The following MEGF11 variants were observed in gnomAD, a reference collection of about 807,000 sequenced individuals.
MEGF11 encodes multiple epidermal growth factor-like domains protein 11.
A neutral mutation model predicts 146.6 loss-of-function variants in MEGF11; 126 were observed. That is an observed-to-expected ratio of 0.86 (90% CI 0.74 to 1.00). MEGF11 has a LOEUF of 1.00. MEGF11 is among the 50% of genes least tolerant of loss of function. The pLI is 0.00. For missense variants in MEGF11, 1,509 were observed against 1,521.2 expected (o/e 0.99, Z 0.13); for synonymous variants, 532 against 583.4 (o/e 0.91, Z 1.27).
chr15:66,156,222 G>C (rs77658006), intron 1 of MEGF11, among the ~76,000 whole-genome samples: 7,517 of 152,182 alleles, frequency 0.049, 251 homozygotes, highest in African/African-American at 0.1. Context: ...TGAATGTCCA[G>C]GCATGGCCCA....
At chr15:66,241,484 T>C (rs2092207667) in intron 1 of MEGF11, among the ~76,000 whole-genome samples, 1 of 152,110 alleles carries the variant, frequency 6.6e-6, no homozygotes, top group African/African-American at 2.4e-5. Context: ...CAAACACGAA[T>C]GCAAATGGAC....
At chr15:66,134,832 C>G (rs140875774) in intron 1 of MEGF11, among the ~76,000 whole-genome samples, 1 of 152,332 alleles carries the variant, frequency 6.6e-6, no homozygotes, top group East Asian at 1.9e-4. Context: ...GAACTGGTGC[C>G]GAGAAAAACC....
chr15:66,153,002 C>T (rs1213081208), intron 1 of MEGF11, among the ~76,000 whole-genome samples: 1 of 152,234 alleles, frequency 6.6e-6, no homozygotes. Flanking sequence ...TCCTTCCCTT[C>T]TCCTCCAGGA....
intron 23 of MEGF11, among the ~76,000 whole-genome samples, chr15:65,907,475 T>C (rs982076613): frequency 7.2e-5 from 11 of 152,044 alleles, no homozygotes; most frequent in African/African-American, 2.4e-4. Context: ...TTTTGTATTT[T>C]TAACAGATGG....
intron 10 of MEGF11, among the ~76,000 whole-genome samples, chr15:65,931,535 C>A (rs940683864): frequency 2.6e-5 from 4 of 152,186 alleles, no homozygotes; most frequent in Non-Finnish European, 5.9e-5. Context: ...CTGTTTGAAG[C>A]CACTAAATTG....
intron 5 of MEGF11, among the ~76,000 whole-genome samples, chr15:66,031,391 G>C (rs1489120859): frequency 6.6e-6 from 1 of 152,160 alleles, no homozygotes; most frequent in Non-Finnish European, 1.5e-5. Flanking sequence ...CTGGGTGAAG[G>C]GTTAGCAAAG....
chr15:66,079,227 G>A (rs574531807), intron 5 of MEGF11, among the ~76,000 whole-genome samples: 13 of 151,834 alleles, frequency 8.6e-5, no homozygotes, highest in Admixed American at 7.8e-4. Flanking sequence ...GGACAGATGA[G>A]GATTTGTCTG....
Position 65,922,862 on chromosome 15 carries a change from C to A in MEGF11, c.1783G>T (p.Glu595Ter), listed in dbSNP as rs779655844. 3.7e-6 allele frequency: 6 copies of A among 1,613,780 alleles called. No homozygotes were observed. The South Asian group carries it at 5.5e-5, about 15-fold the overall frequency. Residue 595 changes from glutamate to a stop codon, truncating the protein, a stop_gained, in exon 14 of 26, where the codon GAG becomes TAG. Transcript: ENST00000395614. LOFTEE classifies it high-confidence loss of function. Reference sequence around the variant, plus strand: ...GGTCCTCGGAAGCCAGGGGCACACTCGCAGCTCCCATCCTCTGGGGAGCAG... The same window carrying A: ...GGTCCTCGGAAGCCAGGGGCACACTAGCAGCTCCCATCCTCTGGGGAGCAG... ...GSCSPEDGSC[E>*]CAPGFRGPLC...
At chr15:66,218,027 T>C (rs1211646226) in intron 1 of MEGF11, among the ~76,000 whole-genome samples, 1 of 152,140 alleles carries the variant, frequency 6.6e-6, no homozygotes, top group African/African-American at 2.4e-5. Flanking sequence ...AGCATCCTTC[T>C]CAGAAAAGGG....
At chr15:66,093,816 G>T (rs779584365) in intron 5 of MEGF11, among the ~76,000 whole-genome samples, 3 of 152,130 alleles carry the variant, frequency 2.0e-5, no homozygotes, top group Non-Finnish European at 2.9e-5. Context: ...GGGCCAGCCT[G>T]GAGAGCATCC....
chr15:66,048,165 T>C (rs888064386), intron 5 of MEGF11, among the ~76,000 whole-genome samples: 4 of 152,122 alleles, frequency 2.6e-5, no homozygotes, highest in Admixed American at 6.5e-5. Context: ...AGGCTGCTCT[T>C]GAATTCCTGA....
Position 65,913,805 on chromosome 15 carries a change from C to T in MEGF11, c.2642G>A (p.Arg881Gln), listed in dbSNP as rs140216637. 9.2e-5 allele frequency: 149 copies of T among 1,613,824 alleles called. No individual in the cohort carries two copies. In the East Asian group the frequency reaches 2.2e-3, roughly 24 times the overall value. The change falls in exon 20 of 26, where the codon CGA becomes CAA. Residue 881 changes from arginine to glutamine, a missense_variant. Arg to Gln is a conservative substitution (Grantham distance 43). Transcript: ENST00000395614. ...GTAGGAGACACGGGGAGCCAGGTCT[C>T]GGCCCTTCTCTTTCTGCCGCCGCCG... ...WHRRRQKEKG[R>Q]DLAPRVSYTP...
chr15:66,016,250 A>C (rs866313562), intron 5 of MEGF11, among the ~76,000 whole-genome samples: 1 of 152,064 alleles, frequency 6.6e-6, no homozygotes, highest in Non-Finnish European at 1.5e-5. Flanking sequence ...GATCATTTAT[A>C]GAAGAGGATC....
chr15:65,914,518 G>A (rs1232206443), intron 19 of MEGF11, among the ~76,000 whole-genome samples: 1 of 152,096 alleles, frequency 6.6e-6, no homozygotes, highest in Non-Finnish European at 1.5e-5. Context: ...AGGCTCTTAA[G>A]TACTGTGCTG....
chr15:66,075,288 C>A (rs1053548901), intron 5 of MEGF11, among the ~76,000 whole-genome samples: 1 of 152,218 alleles, frequency 6.6e-6, no homozygotes. Flanking sequence ...TAGGCCAGCA[C>A]AGATCTGGGC....
rs2079550977 is a variant in MEGF11, at chr15:65,930,831, C to A, written c.1400G>T (p.Cys467Phe). The change falls in exon 11 of 26, where the codon TGC (cysteine) becomes TTC (phenylalanine). Residue 467 changes from cysteine to phenylalanine, a missense_variant. Transcript: ENST00000395614. The part of the protein sequence containing the change: ...TCSPVDGSCT[C>F]KEGWQGLDCT... ...GAGAGAGGGCACATTACCTTCCTTG[C>A]AGGTACAGGAGCCATCTACTGGGGA... is the stretch of plus-strand genomic sequence containing the variant. 1.2e-6 allele frequency: 2 copies of A among 1,606,948 alleles called. No homozygotes were observed. The highest frequency in any genetic ancestry group is 2.7e-5 in the African/African-American group (2 of 74,664).
chr15:65,987,517 A>G (rs2081905259), intron 5 of MEGF11, among the ~76,000 whole-genome samples: 1 of 152,168 alleles, frequency 6.6e-6, no homozygotes, highest in Non-Finnish European at 1.5e-5. Flanking sequence ...TATATAGCAT[A>G]CAAATTTCCA....
Position 65,909,091 on chromosome 15 carries a change from C to T in MEGF11, c.2941G>A (p.Glu981Lys), listed in dbSNP as rs755572228. 28 of 1,535,576 alleles carry T rather than the reference C, an allele frequency of 1.8e-5. No homozygotes were observed. The highest frequency in any genetic ancestry group is 4.8e-5 in the South Asian group (4 of 84,046). ...ISALEARYPPEDFYIELRHLS... is the reference protein window; with the variant it reads ...ISALEARYPPKDFYIELRHLS... ...TGTCTAAGTTCAATGTAGAAGTCCTCGGGCGGGTACCTGGCCTCCAGGGCA... is the reference window on the plus strand; with the variant it reads ...TGTCTAAGTTCAATGTAGAAGTCCTTGGGCGGGTACCTGGCCTCCAGGGCA... Residue 981 changes from glutamate (E) to lysine (K), a missense_variant, in exon 23 of 26, where the codon GAG becomes AAG. Physicochemically the swap from Glu to Lys is moderately conservative, Grantham distance 56. Coordinates refer to ENST00000395614, the MANE Select transcript of MEGF11 (RefSeq NM_001385028.1).
At chr15:66,043,684 G>A (rs1470420752) in intron 5 of MEGF11, among the ~76,000 whole-genome samples, 3 of 152,230 alleles carry the variant, frequency 2.0e-5, no homozygotes, top group Non-Finnish European at 4.4e-5. Flanking sequence ...TAATGGGGCA[G>A]TGACAGGCAC....
Sources: allele counts gnomAD v4.1 joint callset (sites outside exome capture counted in the v4.1 genomes callset), GRCh38; gene constraint gnomAD v4.1.1; transcripts MANE v1.5; gene names NCBI Gene and HGNC (gene_info 2026-07-23, HGNC 2026-07-21).